ASAP1: variants seen among roughly 807,000 people sequenced by gnomAD.
ASAP1 encodes the protein arf-GAP with SH3 domain, ANK repeat and PH domain-containing protein 1.
A neutral mutation model predicts 145.2 loss-of-function variants in ASAP1; 43 were observed. The observed-to-expected ratio is 0.30, with a 90% CI of 0.23 to 0.38. The LOEUF (loss-of-function observed/expected upper bound fraction) is 0.38. Ranked by LOEUF, ASAP1 falls within the 10% of genes least tolerant of loss-of-function variation. ASAP1 has a pLI of 1.00. For missense variants in ASAP1, 1,018 were observed against 1,355.3 expected (o/e 0.75, Z 3.91); for synonymous variants, 546 against 515.5 (o/e 1.06, Z -0.80).
At chr8:130,352,842 A>G (rs992132052) in intron 3 of ASAP1, among the ~76,000 whole-genome samples, 2 of 152,246 alleles carry the variant, frequency 1.3e-5, no homozygotes, top group African/African-American at 4.8e-5. Flanking sequence ...CATTCATTTC[A>G]TCAAACATTT....
intron 1 of ASAP1, among the ~76,000 whole-genome samples, chr8:130,405,631 T>C (rs1043852868): frequency 1.3e-5 from 2 of 152,240 alleles, no homozygotes; most frequent in Non-Finnish European, 2.9e-5. Context: ...CAGCCTGGCC[T>C]ACGTCACTAG....
chr8:130,235,182 G>A (rs559398421), intron 4 of ASAP1, among the ~76,000 whole-genome samples: 63 of 152,054 alleles, frequency 4.1e-4, no homozygotes, highest in African/African-American at 1.3e-3. Context: ...TTTTTCAAAG[G>A]GGTGTGTAGT....
intron 3 of ASAP1, among the ~76,000 whole-genome samples, chr8:130,348,602 C>T (rs918339143): frequency 5.3e-5 from 8 of 152,232 alleles, no homozygotes; most frequent in African/African-American, 1.9e-4. Context: ...GCCTCCTGAT[C>T]TTGACCTAAC....
chr8:130,339,537 C>T (rs539192367), intron 3 of ASAP1, among the ~76,000 whole-genome samples: 2 of 152,278 alleles, frequency 1.3e-5, no homozygotes, highest in East Asian at 1.9e-4. Flanking sequence ...GTCTCCTCCA[C>T]TTGAAGGCAG....
intron 5 of ASAP1, among the ~76,000 whole-genome samples, chr8:130,201,608 A>G (rs961493535): frequency 8.5e-5 from 13 of 152,182 alleles, no homozygotes; most frequent in Admixed American, 2.6e-4. Flanking sequence ...AATTATATGG[A>G]AAGGGGAAGT....
intron 18 of ASAP1, among the ~76,000 whole-genome samples, chr8:130,119,009 A>C (rs907888116): frequency 6.6e-6 from 1 of 152,230 alleles, no homozygotes; most frequent in African/African-American, 2.4e-5. Flanking sequence ...TAAATTTAAA[A>C]ATTTAAGAAG....
At chr8:130,112,024 C>T (rs981061156) in intron 24 of ASAP1, 70 bp downstream of exon 24, 5 of 1,416,752 alleles carry the variant, frequency 3.5e-6, no homozygotes, top group Non-Finnish European at 4.9e-6. Context: ...GCTGGCTAGA[C>T]TATCAGCTCT....
chr8:130,077,974 C>A (rs374894635), intron 26 of ASAP1, among the ~76,000 whole-genome samples: 68 of 151,646 alleles, frequency 4.5e-4, no homozygotes, highest in African/African-American at 1.5e-3. Context: ...TCACAATCAG[C>A]TTGATTTTGT....
intron 3 of ASAP1, among the ~76,000 whole-genome samples, chr8:130,300,145 C>CAGAGAG (rs1565185889): frequency 5.6e-5 from 6 of 107,454 alleles, no homozygotes; most frequent in African/African-American, 2.0e-4. Flanking sequence ...CACACACACA[C>CAGAGAG]ACACACACAG....
At chr8:130,435,735 A>T (rs1052099332) in intron 1 of ASAP1, among the ~76,000 whole-genome samples, 1 of 152,170 alleles carries the variant, frequency 6.6e-6, no homozygotes, top group Non-Finnish European at 1.5e-5. Flanking sequence ...GATCTCTAAA[A>T]TGAGGGCCTG....
intron 7 of ASAP1, among the ~76,000 whole-genome samples, chr8:130,181,927 C>T (rs1331509965): frequency 3.9e-5 from 6 of 152,238 alleles, no homozygotes; most frequent in African/African-American, 1.4e-4. Flanking sequence ...GGGAAACCAA[C>T]TCTGAAGAAA....
intron 3 of ASAP1, among the ~76,000 whole-genome samples, chr8:130,339,499 A>C (rs1825244362): frequency 6.6e-6 from 1 of 152,110 alleles, no homozygotes; most frequent in African/African-American, 2.4e-5. Flanking sequence ...AAAAAGAAGG[A>C]GCTATCACAA....
chr8:130,420,302 G>T (rs965602652), intron 1 of ASAP1, among the ~76,000 whole-genome samples: 1 of 151,178 alleles, frequency 6.6e-6, no homozygotes, highest in East Asian at 1.9e-4. Flanking sequence ...AAGTCTTGGC[G>T]AGGATGTAGA....
chr8:130,165,328 A>G (rs2136059199), intron 11 of ASAP1, among the ~76,000 whole-genome samples: 1 of 152,326 alleles, frequency 6.6e-6, no homozygotes, highest in Non-Finnish European at 1.5e-5. Flanking sequence ...TACATACAGT[A>G]AGTAAAACAA....
chr8:130,111,561 A>G (rs527534703), intron 24 of ASAP1, among the ~76,000 whole-genome samples: 1 of 152,332 alleles, frequency 6.6e-6, no homozygotes, highest in Admixed American at 6.5e-5. Flanking sequence ...GATGATTACA[A>G]AAGAAGTACT....
intron 27 of ASAP1, among the ~76,000 whole-genome samples, chr8:130,075,736 A>G (rs2135270494): frequency 6.6e-6 from 1 of 152,344 alleles, no homozygotes; most frequent in Non-Finnish European, 1.5e-5. Context: ...CCTTGTCAGC[A>G]TTAAAGAAGA....
chr8:130,443,276 G>T (rs1324196082), intron 1 of ASAP1, among the ~76,000 whole-genome samples, 184 bp downstream of exon 1: 2 of 151,512 alleles, frequency 1.3e-5, no homozygotes, highest in Non-Finnish European at 2.9e-5. Context: ...TCCCGCACAC[G>T]CCCCAGCCCA....
In ASAP1 at chr8:130,387,094, A is replaced by C. The variant is rs577907130; in HGVS notation, c.59+14791T>G. Among the ~76,000 whole-genome samples the C allele has an allele frequency of 2.0e-5, 3 of 152,348 alleles. No homozygotes were observed. In the South Asian group the frequency reaches 6.2e-4, roughly 32 times the overall value. The stretch of plus-strand genomic sequence containing the variant: ...AAATCTGTAAAATGCATTAGCTCAC[A>C]GTTTCCATTTTAAACCGAAATCAAA... On this transcript the variant is annotated intron_variant, in intron 2 of 29. Coordinates refer to ENST00000518721, the MANE Select transcript of ASAP1 (RefSeq NM_018482.4).
intron 3 of ASAP1, among the ~76,000 whole-genome samples, chr8:130,328,866 G>C (rs1187538838): frequency 6.6e-6 from 1 of 152,076 alleles, no homozygotes; most frequent in Admixed American, 6.5e-5. Context: ...CTGGCCTCAA[G>C]CAAGCCTCCT....
Sources: gnomAD v4.1 joint callset for allele counts (sites outside exome capture counted in the v4.1 genomes callset) on GRCh38, gnomAD v4.1.1 for gene constraint, MANE v1.5 for transcripts, NCBI Gene and HGNC (gene_info 2026-07-23, HGNC 2026-07-21) for gene names.